CHMP4C: variants seen among roughly 807,000 people sequenced by gnomAD.
CHMP4C encodes charged multivesicular body protein 4C.
Under a neutral mutation model 29.0 loss-of-function variants are expected in CHMP4C, and 28 were observed. That is an observed-to-expected ratio of 0.97 (90% CI 0.72 to 1.32). The LOEUF is 1.32. Among genes scored for constraint, CHMP4C ranks in the 40% most tolerant of loss-of-function variants. CHMP4C has a pLI of 0.00. For synonymous variants in CHMP4C, 106 were observed against 102.4 expected, an observed-to-expected ratio of 1.04 and a Z score of -0.21; for missense variants, 291 against 281.0, an observed-to-expected ratio of 1.04 and a Z score of -0.25.
At chr8:81,752,397 T>A (rs887354197) in intron 1 of CHMP4C, among the ~76,000 whole-genome samples, 2 of 152,162 alleles carry the variant, frequency 1.3e-5, no homozygotes, top group Admixed American at 1.3e-4. Context: ...CTTGTTAAAA[T>A]GTTAATGGGA....
Position 81,732,503 on chromosome 8 carries a change from C to G in CHMP4C, c.-124C>G. 1 of 667,818 alleles carries G rather than the reference C, an allele frequency of 1.5e-6. No homozygotes were observed. Among genetic ancestry groups the G allele is most frequent in the South Asian group, 2.1e-5 (1 of 47,756 alleles). 41.4% of individuals were successfully genotyped at this position (667,818 alleles called of 1,614,324 possible). On this transcript the variant is annotated 5_prime_UTR_variant, in exon 1 of 5. Transcript: ENST00000297265. The stretch of plus-strand genomic sequence containing the variant: ...CTGTCCAGGACGACTTGTTGATTCC[C>G]AGGAGGGCCGCCTTTCCGGTCTGGG...
In CHMP4C at chr8:81,732,561, C is replaced by T. The variant is rs1808631062; in HGVS notation, c.-66C>T. 7.7e-7 allele frequency: 1 copy of T among 1,305,380 alleles called. No individual in the cohort carries two copies. Among genetic ancestry groups the T allele is most frequent in the Non-Finnish European group, 1.0e-6 (1 of 962,282 alleles). 80.9% of individuals were successfully genotyped at this position (1,305,380 alleles called of 1,614,324 possible). Reference sequence around the variant, plus strand: ...GAGGACTGCCTTGCTCACCTGTCCCCTCGGCGCGGCCCCGGGGAGCTCCCG... The same window carrying T: ...GAGGACTGCCTTGCTCACCTGTCCCTTCGGCGCGGCCCCGGGGAGCTCCCG... On this transcript the variant is annotated 5_prime_UTR_variant, in exon 1 of 5. Transcript: ENST00000297265.
At chr8:81,747,970 G>A (rs149222190) in intron 1 of CHMP4C, among the ~76,000 whole-genome samples, 3,144 of 152,170 alleles carry the variant, frequency 0.021, 74 homozygotes, top group South Asian at 0.054. Flanking sequence ...GCCTGGGAGC[G>A]CTATGGGAGA....
At chr8:81,749,603 T>G (rs1226166548) in intron 1 of CHMP4C, among the ~76,000 whole-genome samples, 3 of 152,188 alleles carry the variant, frequency 2.0e-5, no homozygotes, top group African/African-American at 7.2e-5. Context: ...AGGGTGGAGC[T>G]CTGAAGCTCT....
chr8:81,747,811 TC>T (rs1465023508), intron 1 of CHMP4C, among the ~76,000 whole-genome samples: 3 of 152,086 alleles, frequency 2.0e-5, no homozygotes, highest in Non-Finnish European at 4.4e-5. Context: ...CAGGGTGAGA[TC>T]ACAGGACCAC....
At chr8:81,754,987 G>A (rs752481067) in intron 2 of CHMP4C, among the ~76,000 whole-genome samples, 1 of 152,102 alleles carries the variant, frequency 6.6e-6, no homozygotes, top group Non-Finnish European at 1.5e-5. Context: ...AGCTGCCAAA[G>A]CTCATCTAGT....
rs554365141 is a variant in CHMP4C at position 81,758,765 on chromosome 8, T to C, written c.*221T>C. ...TATCTCATGCCTATAATCCCAGCAC[T>C]TTGGGAGGCTGAGGCAGTTGAGACC... On this transcript the variant is annotated 3_prime_UTR_variant, in exon 5 of 5. Coordinates refer to ENST00000297265, the MANE Select transcript of CHMP4C (RefSeq NM_152284.4). 108 of 483,794 alleles carry C rather than the reference T, an allele frequency of 2.2e-4. No individual in the cohort carries two copies. The highest frequency in any genetic ancestry group is 1.8e-3 in the African/African-American group (92 of 50,752). 30.0% of individuals were successfully genotyped at this position (483,794 alleles called of 1,614,324 possible).
chr8:81,734,243 A>C (rs1413177676), intron 1 of CHMP4C, among the ~76,000 whole-genome samples: 1 of 152,134 alleles, frequency 6.6e-6, no homozygotes, highest in Non-Finnish European at 1.5e-5. Context: ...ACGTTTGCTT[A>C]GTGTCTGTCA....
At chr8:81,752,648 T>C (rs1258177245) in intron 1 of CHMP4C, among the ~76,000 whole-genome samples, 1 of 152,196 alleles carries the variant, frequency 6.6e-6, no homozygotes, top group Admixed American at 6.6e-5. Flanking sequence ...CTGGTCTCAA[T>C]GAACTTGCCT....
At chr8:81,755,602 G>A (rs906738957) in intron 3 of CHMP4C, 118 bp downstream of exon 3, 33 of 552,308 alleles carry the variant, frequency 6.0e-5, no homozygotes, top group Non-Finnish European at 1.1e-4. Context: ...TGTAAGAAAG[G>A]TACTTCTCTT....
intron 1 of CHMP4C, among the ~76,000 whole-genome samples, chr8:81,733,784 C>T (rs547185724): frequency 1.3e-5 from 2 of 152,212 alleles, no homozygotes; most frequent in African/African-American, 4.8e-5. Flanking sequence ...CATGGCAGAC[C>T]CAGAAAAGGA....
At chr8:81,745,975 GC>G (rs1356796095) in intron 1 of CHMP4C, among the ~76,000 whole-genome samples, 1 of 152,134 alleles carries the variant, frequency 6.6e-6, no homozygotes, top group Non-Finnish European at 1.5e-5. Flanking sequence ...TTTGTTGCAT[GC>G]CTTTGAAAAA....
Position 81,758,369 on chromosome 8 carries a change from CAT to C in CHMP4C, c.637+75_637+76del, listed in dbSNP as rs1480175038. On this transcript the variant is annotated intron_variant, in intron 4 of 4. Coordinates refer to ENST00000297265, the MANE Select transcript of CHMP4C (RefSeq NM_152284.4). ...ATAGCCAGGCCCATTCTTTTTAGCA[CAT>C]GTTTTTGATTTCAAACTGAACACAT... is the stretch of plus-strand genomic sequence containing the variant. 26 of 1,581,132 alleles carry C rather than the reference CAT, an allele frequency of 1.6e-5. No homozygotes were observed. The Middle Eastern group carries it at 5.0e-4, about 31-fold the overall frequency.
intron 1 of CHMP4C, among the ~76,000 whole-genome samples, chr8:81,752,600 C>T (rs1031590160): frequency 1.3e-5 from 2 of 152,106 alleles, no homozygotes; most frequent in African/African-American, 4.8e-5. Flanking sequence ...TTGCAGCTAC[C>T]ACTAACTGTC....
intron 3 of CHMP4C, among the ~76,000 whole-genome samples, chr8:81,757,852 G>A (rs1006696938): frequency 1.3e-5 from 2 of 152,180 alleles, no homozygotes; most frequent in African/African-American, 2.4e-5. Flanking sequence ...CAGACAAGGT[G>A]TAAGTTTCCC....
At chr8:81,757,701 C>A (rs1808989534) in intron 3 of CHMP4C, among the ~76,000 whole-genome samples, 1 of 152,140 alleles carries the variant, frequency 6.6e-6, no homozygotes, top group Non-Finnish European at 1.5e-5. Flanking sequence ...ATCTTTAATT[C>A]CTTTTACTTT....
intron 2 of CHMP4C, among the ~76,000 whole-genome samples, chr8:81,753,686 A>C (rs549755745): frequency 6.6e-5 from 10 of 152,128 alleles, no homozygotes; most frequent in Non-Finnish European, 1.5e-4. Context: ...ATGCTAACCA[A>C]TGTCTGAGAA....
rs1808635011 is a variant in CHMP4C, at chr8:81,732,794, G to A, written c.168G>A (p.Lys56=). The A allele has an allele frequency of 6.2e-7, 1 of 1,612,102 alleles. No homozygotes were observed. Among genetic ancestry groups the A allele is most frequent in the African/African-American group, 1.3e-5 (1 of 74,914 alleles). The change falls in exon 1 of 5, where the codon AAG becomes AAA. Residue 56 remains lysine (K), a synonymous_variant. Coordinates refer to ENST00000297265, the MANE Select transcript of CHMP4C (RefSeq NM_152284.4). ...AGAGAGAAATCGCCCTGGCCAAGAA[G>A]CACGGCACGCAGAATAAGCGAGGTA... ...RIQREIALAK[K]HGTQNKRAAL... is the part of the protein sequence containing the mutation.
chr8:81,749,583 T>C (rs1808870786), intron 1 of CHMP4C, among the ~76,000 whole-genome samples: 1 of 152,166 alleles, frequency 6.6e-6, no homozygotes, highest in African/African-American at 2.4e-5. Context: ...GGAAAAGCAA[T>C]TTGGTATAAA....
Sources: gnomAD v4.1 joint callset for allele counts (sites outside exome capture counted in the v4.1 genomes callset) on GRCh38, gnomAD v4.1.1 for gene constraint, MANE v1.5 for transcripts, NCBI Gene and HGNC (gene_info 2026-07-23, HGNC 2026-07-21) for gene names.